The following TMEM219 variants were observed in gnomAD, a reference collection of about 807,000 sequenced individuals.
TMEM219 encodes the protein transmembrane protein 219.
TMEM219 carries 18 observed loss-of-function variants against 17.9 expected under a neutral mutation model. That is an observed-to-expected ratio of 1.01 (90% CI 0.70 to 1.49). TMEM219 has a LOEUF of 1.49. Among genes scored for constraint, TMEM219 ranks in the 40% most tolerant of loss-of-function variants. The probability of loss-of-function intolerance (pLI) is 0.00; values close to 1 mark genes in which losing one functional copy is unlikely to be tolerated. For synonymous variants in TMEM219, 113 were observed against 124.0 expected (o/e 0.91, Z 0.59); for missense variants, 288 against 292.4 (o/e 0.99, Z 0.11).
intron 4 of TMEM219, among the ~76,000 whole-genome samples, chr16:29,968,899 A>G (rs941846091): frequency 5.9e-5 from 9 of 152,212 alleles, no homozygotes; most frequent in African/African-American, 1.9e-4. Context: ...AGGCCACACA[A>G]CTGGTTAAGT....
intron 3 of TMEM219, among the ~76,000 whole-genome samples, chr16:29,967,756 T>G (rs2069230604): frequency 6.6e-6 from 1 of 151,898 alleles, no homozygotes; most frequent in East Asian, 1.9e-4. Flanking sequence ...TGAAACCCCG[T>G]CTCTACTAAA....
chr16:29,972,049 C>G (rs957337279), intron 5 of TMEM219: 1 of 153,366 alleles, frequency 6.5e-6, no homozygotes, highest in African/African-American at 2.4e-5. Context: ...TAGACAGAAT[C>G]ATACACATTC....
intron 3 of TMEM219, among the ~76,000 whole-genome samples, chr16:29,965,617 G>A (rs545008606): frequency 6.7e-6 from 1 of 149,804 alleles, no homozygotes; most frequent in East Asian, 2.0e-4. Context: ...TGTGGTCCCA[G>A]CTACTTGGGA....
chr16:29,963,165 C>G lies in TMEM219; in HGVS notation c.22C>G (p.His8Asp). The G allele has an allele frequency of 6.2e-7, 1 of 1,612,922 alleles. No homozygotes were observed. Among genetic ancestry groups the G allele is most frequent in the Non-Finnish European group, 8.5e-7 (1 of 1,180,034 alleles). The change falls in exon 2 of 6, where the codon CAC becomes GAC. Residue 8 changes from histidine to aspartate, a missense_variant. By Grantham distance (81) the His-to-Asp change is moderately conservative (BLOSUM62 -1). Transcript: ENST00000279396. Reference sequence around the variant, plus strand: ...CCCCATGGGCAACTGCCAGGCAGGGCACAACCTGCACCTGTGTCTGGCCCA... The same window carrying G: ...CCCCATGGGCAACTGCCAGGCAGGGGACAACCTGCACCTGTGTCTGGCCCA... MGNCQAG[H>D]NLHLCLAHHP... is the part of the protein sequence containing the mutation.
chr16:29,970,323 CTT>C (rs869239268), intron 4 of TMEM219, among the ~76,000 whole-genome samples: 13 of 138,102 alleles, frequency 9.4e-5, no homozygotes, highest in South Asian at 2.3e-4. Flanking sequence ...ACTGCTTGCA[CTT>C]TTTTTTTTTT....
Position 29,971,430 on chromosome 16 carries a change from C to G in TMEM219, c.608C>G (p.Ser203Cys). Residue 203 changes from serine (S) to cysteine (C), a missense_variant, in exon 5 of 6, where the codon TCC becomes TGC. Coordinates refer to ENST00000279396, the MANE Select transcript of TMEM219 (RefSeq NM_001083613.2). ...LTSEELALCG[S>C]RLLVLGSFLL... ...TAGGAGGAGCTGGCTCTGTGTGGCT[C>G]CAGGCTGCTGGTCTTGGGCTCCTTC... The G allele has an allele frequency of 6.2e-7, 1 of 1,614,156 alleles. No homozygotes were observed. Among genetic ancestry groups the G allele is most frequent in the Non-Finnish European group, 8.5e-7 (1 of 1,180,018 alleles).
intron 3 of TMEM219, among the ~76,000 whole-genome samples, chr16:29,967,751 C>T (rs901638362): frequency 1.4e-4 from 21 of 152,098 alleles, no homozygotes; most frequent in African/African-American, 4.3e-4. Context: ...CACAGTGAAA[C>T]CCCGTCTCTA....
At chr16:29,964,266 T>C (rs1045828091) in intron 3 of TMEM219, among the ~76,000 whole-genome samples, 1 of 151,614 alleles carries the variant, frequency 6.6e-6, no homozygotes, top group Non-Finnish European at 1.5e-5. Flanking sequence ...GAGGTTGCAG[T>C]GAGCCGAGAT....
In TMEM219 at chr16:29,963,043, G is replaced by A. The variant is rs77521940; in HGVS notation, c.-37-64G>A. On this transcript the variant is annotated intron_variant, in intron 1 of 5. Coordinates refer to ENST00000279396, the MANE Select transcript of TMEM219 (RefSeq NM_001083613.2). Reference sequence around the variant, plus strand: ...CCTTGGGAAGTCCTTTGTCTTCTCTGAGCTTTCTTTTCTCTTTGCGTAAAA... The same window carrying A: ...CCTTGGGAAGTCCTTTGTCTTCTCTAAGCTTTCTTTTCTCTTTGCGTAAAA... The A allele has an allele frequency of 3.2e-3, 4,567 of 1,410,094 alleles. 129 individuals carry two copies. The African/African-American group carries it at 0.058, about 18-fold the overall frequency. The allele number at this position is 1,410,094 out of a possible 1,614,324, so 87.3% of individuals were successfully genotyped here.
intron 3 of TMEM219, among the ~76,000 whole-genome samples, chr16:29,963,837 C>T (rs555791044): frequency 2.1e-5 from 3 of 144,724 alleles, no homozygotes; most frequent in South Asian, 2.2e-4. Context: ...GAACCGAGAT[C>T]GCACCATTGC....
intron 4 of TMEM219, chr16:29,968,519 G>A (rs1379022189): frequency 2.6e-6 from 1 of 377,716 alleles, no homozygotes; most frequent in African/African-American, 2.0e-5. Flanking sequence ...CACATTGCCT[G>A]GGACATAGAG....
rs1038705760 is a variant in TMEM219 at position 29,964,322 on chromosome 16, CA to C, written c.355+744del. ...TGGGCAACAGAGCAAAACTCGGTCTCAAAAAAAAAAATTAGCCAGGCTTGGT... is the reference window on the plus strand; with the variant it reads ...TGGGCAACAGAGCAAAACTCGGTCTCAAAAAAAAAATTAGCCAGGCTTGGT... On this transcript the variant is annotated intron_variant, in intron 3 of 5. Transcript: ENST00000279396. 1.9e-3 allele frequency among the ~76,000 whole-genome samples: 265 copies of C among 141,068 alleles called. 2 individuals carry two copies. Among genetic ancestry groups the C allele is most frequent in the African/African-American group, 6.2e-3 (238 of 38,352 alleles). The allele number at this position is 141,068 out of a possible 152,430, so 92.5% of individuals were successfully genotyped here.
chr16:29,970,173 G>C (rs925885092), intron 4 of TMEM219, among the ~76,000 whole-genome samples: 4 of 151,782 alleles, frequency 2.6e-5, no homozygotes, highest in Non-Finnish European at 5.9e-5. Flanking sequence ...GGCAGAGGTT[G>C]TAGTGAGCTG....
At chr16:29,964,363 G>A (rs1486474556) in intron 3 of TMEM219, among the ~76,000 whole-genome samples, 1 of 150,232 alleles carries the variant, frequency 6.7e-6, no homozygotes, top group Non-Finnish European at 1.5e-5. Context: ...CAAGCCTGTA[G>A]TTCCAGCTAC....
At chr16:29,964,714 G>C (rs2069191340) in intron 3 of TMEM219, among the ~76,000 whole-genome samples, 1 of 146,248 alleles carries the variant, frequency 6.8e-6, no homozygotes, top group Non-Finnish European at 1.5e-5. Flanking sequence ...TGAGATCACA[G>C]AGGACTGTGG....
rs531883870 is a variant in TMEM219, at chr16:29,970,415, C to G, written c.586-993C>G. ...TCTCAGCTTACTGCAAGCTCCGCCT[C>G]CCAGGTTCACGCCATTCTCCTGCCT... On this transcript the variant is annotated intron_variant, in intron 4 of 5. Coordinates refer to ENST00000279396, the MANE Select transcript of TMEM219 (RefSeq NM_001083613.2). Among the ~76,000 whole-genome samples, 27 of 151,052 alleles carry G rather than the reference C, an allele frequency of 1.8e-4. 1 individual carries two copies. In the East Asian group the frequency reaches 5.3e-3, roughly 30 times the overall value.
intron 4 of TMEM219, chr16:29,968,574 C>G (rs1455004903): frequency 1.6e-5 from 4 of 245,358 alleles, no homozygotes; most frequent in Non-Finnish European, 2.4e-5. Flanking sequence ...GTCTTTAAAA[C>G]ATTCTCTCTA....
At chr16:29,967,816 A>G (rs934212089) in intron 3 of TMEM219, among the ~76,000 whole-genome samples, 13 of 151,726 alleles carry the variant, frequency 8.6e-5, no homozygotes, top group African/African-American at 2.9e-4. Context: ...AGTCCCAGCT[A>G]CTCGGGAGAC....
intron 3 of TMEM219, 97 bp downstream of exon 3, chr16:29,963,686 C>A (rs1156664674): frequency 2.4e-5 from 27 of 1,123,656 alleles, no homozygotes; most frequent in Non-Finnish European, 3.1e-5. Context: ...AGTTCAAGAC[C>A]AGCCTGGCCA....
Sources: allele counts gnomAD v4.1 joint callset (sites outside exome capture counted in the v4.1 genomes callset), GRCh38; gene constraint gnomAD v4.1.1; transcripts MANE v1.5; gene names NCBI Gene and HGNC (gene_info 2026-07-23, HGNC 2026-07-21).